Variants in IL16 observed in about 807,000 individuals in gnomAD.
IL16 encodes the protein interleukin 16.
In IL16, 67 loss-of-function variants were observed where a neutral mutation model predicts 110.1. The observed-to-expected ratio is 0.61, with a 90% CI of 0.50 to 0.75. The LOEUF (loss-of-function observed/expected upper bound fraction) is 0.75. Among genes scored for constraint, IL16 ranks in the 30% least tolerant of loss-of-function variants. IL16 has a pLI of 0.00. For synonymous variants in IL16, 689 were observed against 662.9 expected, an observed-to-expected ratio of 1.04 and a Z score of -0.61; for missense variants, 1,545 against 1,655.0, an observed-to-expected ratio of 0.93 and a Z score of 1.15.
Position 81,273,076 on chromosome 15 carries a change from C to T in IL16, c.676-14C>T, listed in dbSNP as rs967752052. 1.2e-6 allele frequency: 2 copies of T among 1,604,734 alleles called. No homozygotes were observed. Among genetic ancestry groups the T allele is most frequent in the Non-Finnish European group, 8.5e-7 (1 of 1,172,222 alleles). On this transcript the variant is annotated splice_polypyrimidine_tract_variant and intron_variant, in intron 5 of 18. Transcript: ENST00000683961. ...ATACTACCCCTAAATCAGACCTTCT[C>T]TTTTTTTCCCCAGGGTCTGGGCTTC...
intron 5 of IL16, among the ~76,000 whole-genome samples, chr15:81,271,013 G>C (rs1011776371): frequency 1.3e-5 from 2 of 152,168 alleles, no homozygotes; most frequent in African/African-American, 4.8e-5. Context: ...GCAAGTGCTT[G>C]AGGTAGAGTC....
At chr15:81,265,043 G>A (rs1799164668) in intron 3 of IL16, among the ~76,000 whole-genome samples, 1 of 152,220 alleles carries the variant, frequency 6.6e-6, no homozygotes, top group Non-Finnish European at 1.5e-5. Context: ...AGCTGGATGT[G>A]GTAGGGTAGG....
chr15:81,196,107 T>C (rs1365139666), upstream of IL16, among the ~76,000 whole-genome samples: 2 of 152,238 alleles, frequency 1.3e-5, no homozygotes, highest in East Asian at 3.9e-4. Flanking sequence ...TTCTAGCAGA[T>C]GCTGCTGATG....
chr15:81,212,436 A>AT (rs1043757750), intron 1 of IL16, among the ~76,000 whole-genome samples: 4 of 151,660 alleles, frequency 2.6e-5, no homozygotes, highest in Non-Finnish European at 2.9e-5. Context: ...GTAAGTCAAG[A>AT]TTTTTTTTAA....
chr15:81,250,717 G>A (rs1897739298), intron 2 of IL16, among the ~76,000 whole-genome samples: 1 of 152,058 alleles, frequency 6.6e-6, no homozygotes, highest in Non-Finnish European at 1.5e-5. Flanking sequence ...TATTAATTAG[G>A]GTTGCCAACT....
chr15:81,258,743 C>CTCTCTT (rs1359307860), intron 2 of IL16, among the ~76,000 whole-genome samples: 15 of 150,216 alleles, frequency 1.0e-4, no homozygotes, highest in African/African-American at 3.5e-4. Context: ...CTCTCTCTCT[C>CTCTCTT]TCTCTGTCAC....
intron 16 of IL16, 37 bp from the exon 17 acceptor site, chr15:81,305,871 T>G: frequency 6.2e-7 from 1 of 1,606,184 alleles, no homozygotes; most frequent in Non-Finnish European, 8.5e-7. Context: ...ACTGGACTTG[T>G]GTGATTTCTG....
intron 3 of IL16, among the ~76,000 whole-genome samples, chr15:81,265,013 T>C (rs900111458): frequency 6.6e-6 from 1 of 152,218 alleles, no homozygotes; most frequent in African/African-American, 2.4e-5. Context: ...TTAAATCAGA[T>C]CATCTGTGAA....
rs2141607625 is a variant in IL16, at chr15:81,299,521, A to G, written c.2195A>G (p.Asn732Ser). 2 of 1,614,166 alleles carry G rather than the reference A, an allele frequency of 1.2e-6. No homozygotes were observed. The highest frequency in any genetic ancestry group is 1.7e-6 in the Non-Finnish European group (2 of 1,180,022). The part of the protein sequence containing the change: ...KNLFSPIMSE[N>S]HGHMPLQPNA... ...TTATTTAGCCCCATCATGAGTGAGA[A>G]CCATGGCCACATGCCTCTACAGCCC... Residue 732 changes from asparagine (N) to serine (S), a missense_variant, in exon 14 of 19, where the codon AAC (asparagine) becomes AGC (serine). Coordinates refer to ENST00000683961, the MANE Select transcript of IL16 (RefSeq NM_172217.5).
chr15:81,307,072 A>G (rs529549760), intron 18 of IL16, among the ~76,000 whole-genome samples: 2 of 152,336 alleles, frequency 1.3e-5, no homozygotes, highest in Non-Finnish European at 2.9e-5. Flanking sequence ...TATTTTGTTC[A>G]TCAGGGATTG....
At chr15:81,238,404 T>C (rs1048073994) in intron 2 of IL16, among the ~76,000 whole-genome samples, 1 of 152,204 alleles carries the variant, frequency 6.6e-6, no homozygotes, top group East Asian at 1.9e-4. Flanking sequence ...ATTATGCTTT[T>C]GAGTATATAA....
chr15:81,273,210 C>T lies in IL16; in HGVS notation c.790+6C>T. The T allele has an allele frequency of 3.1e-6, 5 of 1,587,746 alleles. No individual in the cohort carries two copies. The highest frequency in any genetic ancestry group is 3.4e-6 in the Non-Finnish European group (4 of 1,160,300). ...CGATGGAAGGCTACAGGAAGGTAGG[C>T]TTCCCAGCCCTTTTCAGACCATGGT... On this transcript the variant is annotated splice_donor_region_variant and intron_variant, in intron 6 of 18. Transcript: ENST00000683961.
intron 1 of IL16, among the ~76,000 whole-genome samples, chr15:81,203,151 C>T (rs1366250365): frequency 5.4e-5 from 8 of 148,136 alleles, no homozygotes; most frequent in African/African-American, 2.1e-4. Flanking sequence ...TCATATCCTT[C>T]ACCCACTTTT....
At chr15:81,208,337 T>C (rs1896111698) in intron 1 of IL16, among the ~76,000 whole-genome samples, 1 of 152,238 alleles carries the variant, frequency 6.6e-6, no homozygotes, top group South Asian at 2.1e-4. Context: ...CTTTTTACTC[T>C]GTTGATAGTT....
At chr15:81,287,932 C>A (rs1899522539) in intron 10 of IL16, among the ~76,000 whole-genome samples, 1 of 152,248 alleles carries the variant, frequency 6.6e-6, no homozygotes, top group Admixed American at 6.5e-5. Flanking sequence ...TTGTCATTTC[C>A]TCCTGCTGCT....
rs776270357 is a variant in IL16 at position 81,313,438 on chromosome 15, G to A, written c.*4640G>A. On this transcript the variant is annotated 3_prime_UTR_variant, in exon 19 of 19. Coordinates refer to ENST00000683961, the MANE Select transcript of IL16 (RefSeq NM_172217.5). ...CAACAGCAGAGCTGTGTTATGATCT[G>A]CAGCAGAGGTGCTGGGGACGAGCGC... 1.0e-5 allele frequency: 15 copies of A among 1,469,848 alleles called. No homozygotes were observed. Among genetic ancestry groups the A allele is most frequent in the East Asian group, 2.6e-5 (1 of 38,362 alleles). 91.1% of individuals were successfully genotyped at this position (1,469,848 alleles called of 1,614,324 possible).
intron 1 of IL16, among the ~76,000 whole-genome samples, chr15:81,221,332 C>T (rs2142023370): frequency 6.6e-6 from 1 of 152,240 alleles, no homozygotes; most frequent in East Asian, 1.9e-4. Context: ...GAGGGCCCAC[C>T]AGAGGCAGAG....
chr15:81,257,175 G>T (rs1897977274), intron 2 of IL16, among the ~76,000 whole-genome samples: 1 of 152,178 alleles, frequency 6.6e-6, no homozygotes, highest in African/African-American at 2.4e-5. Flanking sequence ...AGCACCATCT[G>T]CTGCTGAAAA....
At chr15:81,302,507 CT>C (rs1230209541) in intron 15 of IL16, among the ~76,000 whole-genome samples, 1 of 152,140 alleles carries the variant, frequency 6.6e-6, no homozygotes, top group African/African-American at 2.4e-5. Flanking sequence ...AGTGTTGGGG[CT>C]TGGAGGTGAG....
Sources: allele counts gnomAD v4.1 joint callset (sites outside exome capture counted in the v4.1 genomes callset), GRCh38; gene constraint gnomAD v4.1.1; transcripts MANE v1.5; gene names NCBI Gene and HGNC (gene_info 2026-07-23, HGNC 2026-07-21).